The following YAP1 variants were observed in gnomAD, a reference collection of about 807,000 sequenced individuals.
The protein encoded by YAP1 is transcriptional coactivator YAP1.
YAP1 carries 5 observed loss-of-function variants against 56.9 expected under a neutral mutation model. The observed-to-expected ratio is 0.09, with a 90% confidence interval of 0.05 to 0.18. YAP1 has a LOEUF of 0.18. Ranked by LOEUF, YAP1 falls within the 10% of genes least tolerant of loss-of-function variation. The pLI, the probability that YAP1 is intolerant of heterozygous loss-of-function variation, is 1.00. For missense variants in YAP1, 539 were observed against 651.8 expected (o/e 0.83, Z 1.88); for synonymous variants, 265 against 248.1 (o/e 1.07, Z -0.64).
chr11:102,144,079 C>T (rs1031554993), intron 2 of YAP1, among the ~76,000 whole-genome samples: 1 of 152,196 alleles, frequency 6.6e-6, no homozygotes, highest in Non-Finnish European at 1.5e-5. Flanking sequence ...GGATGACCTC[C>T]AGGGTGCTTT....
chr11:102,163,632 A>G (rs1314475085), intron 3 of YAP1, among the ~76,000 whole-genome samples: 1 of 152,184 alleles, frequency 6.6e-6, no homozygotes, highest in Non-Finnish European at 1.5e-5. Context: ...TCCACCGCCC[A>G]TGCATTTTCC....
intron 3 of YAP1, among the ~76,000 whole-genome samples, chr11:102,175,736 G>A (rs887104361): frequency 2.0e-5 from 3 of 152,198 alleles, no homozygotes; most frequent in African/African-American, 7.2e-5. Flanking sequence ...ACAATGGTAA[G>A]TATATGTGTA....
At chr11:102,162,019 T>A (rs1173036324) in intron 2 of YAP1, among the ~76,000 whole-genome samples, 2 of 152,208 alleles carry the variant, frequency 1.3e-5, no homozygotes, top group Non-Finnish European at 2.9e-5. Flanking sequence ...TTGTGGTGTT[T>A]TACCTTAAAA....
intron 3 of YAP1, among the ~76,000 whole-genome samples, chr11:102,171,649 T>G (rs1392601711): frequency 6.6e-6 from 1 of 152,220 alleles, no homozygotes; most frequent in African/African-American, 2.4e-5. Flanking sequence ...GAAGAAAGTC[T>G]GAAGAGTTGC....
At chr11:102,127,687 G>A (rs1743733598) in intron 2 of YAP1, among the ~76,000 whole-genome samples, 1 of 152,168 alleles carries the variant, frequency 6.6e-6, no homozygotes, top group South Asian at 2.1e-4. Context: ...TGAGAAGAGA[G>A]CCACCATCCT....
chr11:102,205,976 G>T lies in YAP1; in HGVS notation c.886G>T (p.Gly296Cys). The T allele has an allele frequency of 6.2e-7, 1 of 1,613,706 alleles. No individual in the cohort carries two copies. The highest frequency in any genetic ancestry group is 1.1e-5 in the South Asian group (1 of 91,020). Residue 296 changes from glycine (G) to cysteine (C), a missense_variant, in exon 5 of 9, where the codon GGT becomes TGT. Coordinates refer to ENST00000282441, the MANE Select transcript of YAP1 (RefSeq NM_001130145.3). ...APQSPQGGVM[G>C]GSNSNQQQQM... ...CCAGAGCCCACAGGGAGGCGTCATG[G>T]GTGGCAGCAACTCCAACCAGCAGCA...
intron 3 of YAP1, among the ~76,000 whole-genome samples, chr11:102,165,733 A>G (rs1050224060): frequency 6.6e-5 from 10 of 152,186 alleles, no homozygotes; most frequent in Admixed American, 5.9e-4. Flanking sequence ...CTCATTTAAG[A>G]TCCCATGTTC....
rs1449489912 is a variant in YAP1 at position 102,185,877 on chromosome 11, C to T, written c.689-141C>T. 7.4e-6 allele frequency: 6 copies of T among 810,424 alleles called. No homozygotes were observed. The South Asian group carries it at 9.1e-5, about 12-fold the overall frequency. The allele number at this position is 810,424 out of a possible 1,614,324, so 50.2% of individuals were successfully genotyped here. A position where few individuals can be genotyped will look rare whatever the true frequency, so the allele number is the denominator to read the frequency against. On this transcript the variant is annotated intron_variant, in intron 3 of 8. Coordinates refer to ENST00000282441, the MANE Select transcript of YAP1 (RefSeq NM_001130145.3). ...GCAGGTATATAGGTTTACCTTTCTT[C>T]TCTGAACACAGCCTTAAATATGTTT...
At chr11:102,171,894 A>C (rs1946920900) in intron 3 of YAP1, among the ~76,000 whole-genome samples, 1 of 152,164 alleles carries the variant, frequency 6.6e-6, no homozygotes, top group African/African-American at 2.4e-5. Context: ...TTACCATAAA[A>C]AATGTTATGG....
chr11:102,203,123 C>T (rs957283549), intron 4 of YAP1, among the ~76,000 whole-genome samples: 10 of 152,166 alleles, frequency 6.6e-5, no homozygotes, highest in African/African-American at 2.4e-4. Flanking sequence ...ACTGGGAGGG[C>T]TTGTCAAAAC....
chr11:102,149,819 T>G (rs1484065046), intron 2 of YAP1, among the ~76,000 whole-genome samples: 3 of 152,162 alleles, frequency 2.0e-5, no homozygotes, highest in Non-Finnish European at 4.4e-5. Context: ...ATCTCCCTTA[T>G]TCTGTACCTG....
At chr11:102,130,770 T>G (rs1231397487) in intron 2 of YAP1, among the ~76,000 whole-genome samples, 1 of 146,238 alleles carries the variant, frequency 6.8e-6, no homozygotes, top group Non-Finnish European at 1.5e-5. Flanking sequence ...TGGTAAAGAG[T>G]TGTCCAAATA....
At chr11:102,212,516 C>T (rs1393087378) in intron 6 of YAP1, among the ~76,000 whole-genome samples, 1 of 152,152 alleles carries the variant, frequency 6.6e-6, no homozygotes, top group African/African-American at 2.4e-5. Flanking sequence ...ATTTATTATA[C>T]TATGTTGGCA....
intron 2 of YAP1, among the ~76,000 whole-genome samples, chr11:102,144,037 C>T (rs1565454077): frequency 6.6e-6 from 1 of 152,122 alleles, no homozygotes; most frequent in Non-Finnish European, 1.5e-5. Flanking sequence ...AGAGGGCATC[C>T]CAGCATTGGC....
chr11:102,147,580 A>G (rs1303097719), intron 2 of YAP1, among the ~76,000 whole-genome samples: 1 of 152,222 alleles, frequency 6.6e-6, no homozygotes, highest in Non-Finnish European at 1.5e-5. Flanking sequence ...AGATGAAATA[A>G]TATGACCAAC....
Position 102,230,582 on chromosome 11 carries a change from T to C in YAP1, c.*642T>C, listed in dbSNP as rs1950401555. The C allele has an allele frequency of 6.6e-6, 1 of 152,648 alleles. No individual in the cohort carries two copies. Among genetic ancestry groups the C allele is most frequent in the African/African-American group, 2.4e-5 (1 of 41,450 alleles). 9.5% of individuals were successfully genotyped at this position (152,648 alleles called of 1,614,324 possible). A position where few individuals can be genotyped will look rare whatever the true frequency, so the allele number is the denominator to read the frequency against. ...ATGAGACAATTTCCATATAAATATA[T>C]TAATTATTGCCACATACTCTAATAT... On this transcript the variant is annotated 3_prime_UTR_variant, in exon 9 of 9. Coordinates refer to ENST00000282441, the MANE Select transcript of YAP1 (RefSeq NM_001130145.3).
chr11:102,182,495 C>T (rs1006246235), intron 3 of YAP1, among the ~76,000 whole-genome samples: 1 of 152,144 alleles, frequency 6.6e-6, no homozygotes, highest in African/African-American at 2.4e-5. Flanking sequence ...GCTTTCTCTC[C>T]TTTTCATGGT....
chr11:102,144,882 ACACACTCATGCT>A (rs1326109749), intron 2 of YAP1, among the ~76,000 whole-genome samples: 3 of 142,896 alleles, frequency 2.1e-5, no homozygotes, highest in African/African-American at 7.4e-5. Flanking sequence ...ACACACATAC[ACACACTCATGCT>A]CACACACTCA....
At chr11:102,142,077 A>G (rs1359187413) in intron 2 of YAP1, among the ~76,000 whole-genome samples, 11 of 152,354 alleles carry the variant, frequency 7.2e-5, no homozygotes, top group Middle Eastern at 3.4e-3. Flanking sequence ...TAAGTTTAAT[A>G]TATAAATGTT....
Sources: gnomAD v4.1 joint callset for allele counts (sites outside exome capture counted in the v4.1 genomes callset) on GRCh38, gnomAD v4.1.1 for gene constraint, MANE v1.5 for transcripts, NCBI Gene and HGNC (gene_info 2026-07-23, HGNC 2026-07-21) for gene names.